The following XCR1 variants were observed in gnomAD, a reference collection of about 807,000 sequenced individuals.
XCR1 encodes the protein X-C motif chemokine receptor 1.
For missense variants in XCR1, 356 were observed against 424.2 expected, an observed-to-expected ratio of 0.84 and a Z score of 1.41; for synonymous variants, 187 against 188.5, an observed-to-expected ratio of 0.99 and a Z score of 0.06.
At chr3:46,032,174 G>T (rs192865003), upstream of XCR1, among the ~76,000 whole-genome samples, 47 of 152,360 alleles carry the variant, frequency 3.1e-4, no homozygotes, top group African/African-American at 1.1e-3. Context: ...CATGCCCCCT[G>T]CTTGCCATAT....
At chr3:46,034,191 C>T (rs922829257) in intron 5 of XCR1, among the ~76,000 whole-genome samples, 2 of 152,044 alleles carry the variant, frequency 1.3e-5, no homozygotes, top group Non-Finnish European at 2.9e-5. Flanking sequence ...AGGATGGTCT[C>T]GAACTCCTGA....
chr3:46,039,196 T>C (rs972603620), intron 5 of XCR1, among the ~76,000 whole-genome samples: 1 of 152,236 alleles, frequency 6.6e-6, no homozygotes, highest in Non-Finnish European at 1.5e-5. Flanking sequence ...TGAAAAGAAA[T>C]TATTGTGTGC....
At chr3:46,056,359 A>G (rs897407549) in intron 4 of XCR1, among the ~76,000 whole-genome samples, 3 of 152,106 alleles carry the variant, frequency 2.0e-5, no homozygotes, top group African/African-American at 7.2e-5. Flanking sequence ...TTTCATTTCA[A>G]TACTTCTTTT....
chr3:46,026,855 T>C (rs1477380658), intron 1 of XCR1, among the ~76,000 whole-genome samples: 2 of 151,874 alleles, frequency 1.3e-5, no homozygotes, highest in Non-Finnish European at 2.9e-5. Context: ...GTGCTGGGAT[T>C]ACAGGTGGGA....
rs1708099473 is a variant in XCR1, at chr3:46,019,306, C to T, written c.*1640G>A. ...GAAGCATAAATCTGAAGGATAATAA[C>T]AGCTGTTGATTCTTTGCTCCCACTG... is the stretch of plus-strand genomic sequence containing the variant. On this transcript the variant is annotated 3_prime_UTR_variant, in exon 2 of 2. Transcript: ENST00000309285. The T allele has an allele frequency of 6.6e-6, 1 of 152,170 alleles. No homozygotes were observed. The highest frequency in any genetic ancestry group is 2.4e-5 in the African/African-American group (1 of 41,428). The allele number at this position is 152,170 out of a possible 1,614,324, so 9.4% of individuals were successfully genotyped here.
chr3:46,061,218 T>A (rs1387335203), intron 4 of XCR1, among the ~76,000 whole-genome samples: 1 of 152,194 alleles, frequency 6.6e-6, no homozygotes, highest in East Asian at 1.9e-4. Context: ...TCCCGTGTAG[T>A]CAGCTTACCA....
intron 5 of XCR1, among the ~76,000 whole-genome samples, chr3:46,047,854 G>T (rs970031143): frequency 1.3e-5 from 2 of 152,190 alleles, no homozygotes; most frequent in Admixed American, 6.5e-5. Context: ...GGTCCGCAAT[G>T]TCTCCAGTTA....
At chr3:46,055,835 A>G (rs1425190410) in intron 4 of XCR1, among the ~76,000 whole-genome samples, 3 of 152,234 alleles carry the variant, frequency 2.0e-5, no homozygotes, top group Admixed American at 2.0e-4. Context: ...CCAAGCATCA[A>G]CTTAATCAGA....
intron 5 of XCR1, among the ~76,000 whole-genome samples, chr3:46,053,120 A>C (rs1697779590): frequency 6.6e-6 from 1 of 152,236 alleles, no homozygotes; most frequent in Non-Finnish European, 1.5e-5. Context: ...GCTAGCAGAC[A>C]AGCAAGTTTG....
chr3:46,043,717 TACACACAC>T (rs144432920), intron 5 of XCR1, among the ~76,000 whole-genome samples: 175 of 141,544 alleles, frequency 1.2e-3, no homozygotes, highest in East Asian at 7.8e-3. Context: ...ACCTCATCTC[TACACACAC>T]ACACACACAC....
At chr3:46,078,960 T>C (rs1481185225) in intron 1 of XCR1, among the ~76,000 whole-genome samples, 1 of 152,196 alleles carries the variant, frequency 6.6e-6, no homozygotes, top group Non-Finnish European at 1.5e-5. Context: ...GACTGATCGC[T>C]CATACCTTTA....
intron 5 of XCR1, among the ~76,000 whole-genome samples, chr3:46,044,929 C>T (rs561171396): frequency 6.6e-6 from 1 of 152,208 alleles, no homozygotes; most frequent in East Asian, 1.9e-4. Context: ...AGTTATTAAG[C>T]TTTCTTAATT....
intron 5 of XCR1, among the ~76,000 whole-genome samples, chr3:46,045,196 G>A (rs1169164736): frequency 6.6e-6 from 1 of 152,030 alleles, no homozygotes; most frequent in African/African-American, 2.4e-5. Flanking sequence ...TGAATTGGGT[G>A]GATCATGAGG....
intron 1 of XCR1, among the ~76,000 whole-genome samples, chr3:46,083,689 TACTG>T (rs1698419020): frequency 6.6e-6 from 1 of 152,238 alleles, no homozygotes; most frequent in South Asian, 2.1e-4. Flanking sequence ...GCTACAGATT[TACTG>T]ACTAAGGTTG....
At chr3:46,056,459 A>T (rs999932653) in intron 4 of XCR1, among the ~76,000 whole-genome samples, 12 of 152,044 alleles carry the variant, frequency 7.9e-5, no homozygotes, top group African/African-American at 2.9e-4. Flanking sequence ...TCTAGAAAGC[A>T]GTTTGGCAGT....
chr3:46,077,472 C>T (rs1426011286), intron 1 of XCR1, among the ~76,000 whole-genome samples: 1 of 151,884 alleles, frequency 6.6e-6, no homozygotes, highest in Non-Finnish European at 1.5e-5. Flanking sequence ...CTTACTGATT[C>T]TACATTATGG....
intron 4 of XCR1, among the ~76,000 whole-genome samples, chr3:46,061,286 T>C (rs1333539292): frequency 6.6e-6 from 1 of 152,180 alleles, no homozygotes; most frequent in Non-Finnish European, 1.5e-5. Flanking sequence ...TCAGTGTTGA[T>C]CTTTGCTTCT....
rs145945700 is a variant in XCR1 at position 46,021,759 on chromosome 3, C to T, written c.189G>A (p.Glu63=). The change falls in exon 2 of 2, where the codon GAG becomes GAA. Residue 63 remains glutamate, a synonymous_variant. Coordinates refer to ENST00000309285, the MANE Select transcript of XCR1 (RefSeq NM_001024644.2). This position sits in a 1 kb window ranked among gnomAD's most constrained non-coding sequence, Gnocchi z 4.7. ...LWVLVKYESL[E]SLTNIFILNL... ...TGAGGATGAAGATGTTGGTGAGGGA[C>T]TCCAGGCTCTCATACTTCACCAGGA... 31 of 1,613,982 alleles carry T rather than the reference C, an allele frequency of 1.9e-5. 1 individual carries two copies. In the Middle Eastern group the frequency reaches 1.2e-3, roughly 60 times the overall value.
intron 5 of XCR1, among the ~76,000 whole-genome samples, chr3:46,045,648 A>G (rs1697612386): frequency 6.6e-6 from 1 of 152,222 alleles, no homozygotes; most frequent in Non-Finnish European, 1.5e-5. Context: ...TTTTTTAAAA[A>G]CCTAAAGCCA....
Sources: gnomAD v4.1 joint callset for allele counts (sites outside exome capture counted in the v4.1 genomes callset) on GRCh38, gnomAD v4.1.1 for gene constraint, Gnocchi (gnomAD v3.1) non-coding constraint, MANE v1.5 for transcripts, NCBI Gene and HGNC (gene_info 2026-07-23, HGNC 2026-07-21) for gene names.